The following DPP6 variants were observed in gnomAD, a reference collection of about 807,000 sequenced individuals.
The protein encoded by DPP6 is A-type potassium channel modulatory protein DPP6.
A neutral mutation model predicts 122.6 loss-of-function variants in DPP6; 69 were observed. The observed-to-expected ratio is 0.56, with a 90% CI of 0.46 to 0.69. The LOEUF (loss-of-function observed/expected upper bound fraction) is 0.69. Among genes scored for constraint, DPP6 ranks in the 30% least tolerant of loss-of-function variants. The pLI, the probability that DPP6 is intolerant of heterozygous loss-of-function variation, is 0.00. For synonymous variants in DPP6, 418 were observed against 433.1 expected (o/e 0.97, Z 0.43); for missense variants, 928 against 1,116.9 (o/e 0.83, Z 2.41).
intron 1 of DPP6, among the ~76,000 whole-genome samples, chr7:154,385,718 G>A (rs1372791423): frequency 2.6e-5 from 4 of 152,116 alleles, no homozygotes; most frequent in South Asian, 2.1e-4. Context: ...ACCTGTGTAC[G>A]GATGAATTCC....
chr7:153,848,239 C>A, the DPP6 span, among the ~76,000 whole-genome samples: 3 of 150,766 alleles, frequency 2.0e-5, no homozygotes, highest in Non-Finnish European at 4.4e-5. Context: ...ACATGGTCGC[C>A]CCCCCACCAA....
intron 1 of DPP6, among the ~76,000 whole-genome samples, chr7:154,361,984 T>C (rs1315478179): frequency 6.6e-6 from 1 of 152,232 alleles, no homozygotes; most frequent in African/African-American, 2.4e-5. Flanking sequence ...AGCCACGTTG[T>C]CTGGTGGTGA....
At chr7:153,830,234 C>A in the DPP6 span, among the ~76,000 whole-genome samples, 4 of 152,118 alleles carry the variant, frequency 2.6e-5, no homozygotes, top group South Asian at 8.3e-4. Flanking sequence ...TCATTGTTAG[C>A]CAAAAAGCCC....
chr7:154,262,029 G>A (rs1803055482), intron 1 of DPP6, among the ~76,000 whole-genome samples: 1 of 152,014 alleles, frequency 6.6e-6, no homozygotes, highest in Non-Finnish European at 1.5e-5. Flanking sequence ...GGGAGAGAGG[G>A]AGAGAGGGAG....
chr7:154,864,593 T>G (rs1803692897), intron 17 of DPP6, among the ~76,000 whole-genome samples: 1 of 152,236 alleles, frequency 6.6e-6, no homozygotes, highest in Non-Finnish European at 1.5e-5. Flanking sequence ...GCTCCTGCCC[T>G]CTTTGAATGC....
chr7:154,205,361 A>G (rs1325388076), intron 1 of DPP6, among the ~76,000 whole-genome samples: 1 of 152,042 alleles, frequency 6.6e-6, no homozygotes, highest in African/African-American at 2.4e-5. Context: ...CCCATCCAGA[A>G]CCCTGACAAC....
At chr7:154,172,671 G>A (rs1797597754) in intron 1 of DPP6, among the ~76,000 whole-genome samples, 1 of 149,248 alleles carries the variant, frequency 6.7e-6, no homozygotes, top group South Asian at 2.1e-4. Flanking sequence ...TGCCATCACA[G>A]CTCACTGCAA....
chr7:154,263,403 A>G (rs768896403), intron 1 of DPP6, among the ~76,000 whole-genome samples: 4 of 152,226 alleles, frequency 2.6e-5, no homozygotes, highest in Non-Finnish European at 5.9e-5. Flanking sequence ...TTAATTCCAT[A>G]GCCATTTTAG....
At chr7:154,258,645 T>C (rs1007449876) in intron 1 of DPP6, among the ~76,000 whole-genome samples, 12 of 152,272 alleles carry the variant, frequency 7.9e-5, no homozygotes, top group African/African-American at 2.6e-4. Context: ...AAACAATCAG[T>C]AAAATGTATC....
At chr7:154,648,094 TAAAA>T (rs67145418) in intron 6 of DPP6, among the ~76,000 whole-genome samples, 1 of 146,542 alleles carries the variant, frequency 6.8e-6, no homozygotes, top group Non-Finnish European at 1.5e-5. Flanking sequence ...CTATTAAAAT[TAAAA>T]AAAAAAAAAA....
chr7:154,306,784 T>G (rs1258045757), intron 1 of DPP6, among the ~76,000 whole-genome samples: 1 of 152,318 alleles, frequency 6.6e-6, no homozygotes, highest in East Asian at 1.9e-4. Flanking sequence ...ACATTAAAAA[T>G]TTTTATATTC....
intron 9 of DPP6, among the ~76,000 whole-genome samples, chr7:154,770,323 A>C (rs952056783): frequency 6.6e-6 from 1 of 152,172 alleles, no homozygotes; most frequent in Non-Finnish European, 1.5e-5. Flanking sequence ...TAAAACCATC[A>C]GATCTTGTGA....
At position 154,354,440 on chromosome 7, in the gene DPP6, A is replaced by T. The variant is rs112525320; in HGVS notation, c.244-91774A>T. Among the ~76,000 whole-genome samples, 655 of 152,316 alleles carry T rather than the reference A, an allele frequency of 4.3e-3. 17 individuals are homozygous for T. Among genetic ancestry groups the T allele is most frequent in the Admixed American group, 0.024 (374 of 15,302 alleles). On this transcript the variant is annotated intron_variant, in intron 1 of 25. Transcript: ENST00000377770. ...GACAGACACTCCTCATCCTGAGCCT[A>T]AGCCACTGCAACAGCTTGTAAACTT...
rs1803607345 is a variant in DPP6, at chr7:154,077,038, G to C, written c.243+23975G>C. ...TGGTGCTATAATTGTGAAGCATATA[G>C]GAAACACTATAAAATGTTTTAAAAC... On this transcript the variant is annotated intron_variant, in intron 1 of 25. Transcript: ENST00000377770. Among the ~76,000 whole-genome samples, 4 of 152,268 alleles carry C rather than the reference G, an allele frequency of 2.6e-5. No homozygotes were observed. The South Asian group carries it at 8.3e-4, about 32-fold the overall frequency.
chr7:153,825,716 C>T, the DPP6 span, among the ~76,000 whole-genome samples: 3 of 152,082 alleles, frequency 2.0e-5, no homozygotes, highest in East Asian at 1.9e-4. Flanking sequence ...CACACCACAA[C>T]GCCCGGCAAA....
At chr7:153,941,180 G>C (rs1801679315) in intron 1 of DPP6, among the ~76,000 whole-genome samples, 1 of 152,212 alleles carries the variant, frequency 6.6e-6, no homozygotes, top group Non-Finnish European at 1.5e-5. Flanking sequence ...GGAACACACA[G>C]CAGTGGCTAG....
At chr7:154,395,587 A>G (rs1351927473) in intron 1 of DPP6, among the ~76,000 whole-genome samples, 1 of 152,172 alleles carries the variant, frequency 6.6e-6, no homozygotes, top group African/African-American at 2.4e-5. Flanking sequence ...TCAACTGAAT[A>G]TTGTGCATGG....
At chr7:154,367,833 C>T (rs923259390) in intron 1 of DPP6, among the ~76,000 whole-genome samples, 3 of 152,142 alleles carry the variant, frequency 2.0e-5, no homozygotes, top group Admixed American at 6.5e-5. Context: ...ATTTTTGAGA[C>T]GGAGTCTCGC....
At chr7:154,341,294 G>A (rs879895607) in intron 1 of DPP6, among the ~76,000 whole-genome samples, 12 of 152,136 alleles carry the variant, frequency 7.9e-5, no homozygotes, top group South Asian at 6.2e-4. Context: ...TGCAGGCTGC[G>A]GTGTCTGGCT....
Sources: gnomAD v4.1 joint callset for allele counts (sites outside exome capture counted in the v4.1 genomes callset) on GRCh38, gnomAD v4.1.1 for gene constraint, MANE v1.5 for transcripts, NCBI Gene and HGNC (gene_info 2026-07-23, HGNC 2026-07-21) for gene names.